FRMD4A: variants seen among roughly 807,000 people sequenced by gnomAD.
FRMD4A encodes FERM domain-containing protein 4A.
Under a neutral mutation model 129.1 loss-of-function variants are expected in FRMD4A, and 29 were observed. The ratio of observed to expected loss-of-function variants is 0.22; its 90% CI spans 0.17 to 0.31. The LOEUF (loss-of-function observed/expected upper bound fraction) is 0.31, where lower values mean the gene tolerates loss of function less well. Ranked by LOEUF, FRMD4A falls within the 10% of genes least tolerant of loss-of-function variation. FRMD4A has a pLI of 1.00. For synonymous variants in FRMD4A, 634 were observed against 571.6 expected (o/e 1.11, Z -1.56); for missense variants, 1,272 against 1,375.8 (o/e 0.92, Z 1.19).
chr10:13,877,215 T>C (rs2094497355), intron 2 of FRMD4A, among the ~76,000 whole-genome samples: 1 of 152,190 alleles, frequency 6.6e-6, no homozygotes, highest in African/African-American at 2.4e-5. Context: ...GCTCTTGACA[T>C]ACAGTAGGAA....
intron 14 of FRMD4A, among the ~76,000 whole-genome samples, chr10:13,697,625 C>T (rs923355684): frequency 7.9e-5 from 12 of 151,664 alleles, no homozygotes; most frequent in Admixed American, 5.2e-4. Context: ...GGCTGATACA[C>T]GTGACTCAGT....
intron 2 of FRMD4A, among the ~76,000 whole-genome samples, chr10:13,988,067 G>A (rs7917812): frequency 0.34 from 52,126 of 152,030 alleles, 9,639 homozygotes; most frequent in East Asian, 0.72. Context: ...CAGACAGTAG[G>A]CAAAAGCAGT....
At chr10:13,867,740 T>C (rs113503992) in intron 2 of FRMD4A, among the ~76,000 whole-genome samples, 4 of 122,776 alleles carry the variant, frequency 3.3e-5, no homozygotes, top group African/African-American at 9.9e-5. Context: ...ATAAATAACA[T>C]ATAATATAAT....
At chr10:14,045,716 ATAT>A (rs1349448525) in intron 2 of FRMD4A, among the ~76,000 whole-genome samples, 2 of 146,086 alleles carry the variant, frequency 1.4e-5, no homozygotes, top group Non-Finnish European at 3.0e-5. Flanking sequence ...AATATTTATC[ATAT>A]TATATTAGAT....
At chr10:14,109,597 G>A (rs1285963649) in intron 2 of FRMD4A, among the ~76,000 whole-genome samples, 1 of 152,182 alleles carries the variant, frequency 6.6e-6, no homozygotes, top group African/African-American at 2.4e-5. Context: ...TAAGCTGCCA[G>A]AAAAATTGGA....
chr10:13,807,102 T>C (rs57031775), intron 4 of FRMD4A, among the ~76,000 whole-genome samples: 2,773 of 152,258 alleles, frequency 0.018, 61 homozygotes, highest in African/African-American at 0.061. Flanking sequence ...CCACCGCGCC[T>C]GGCCAATAAT....
At chr10:14,315,559 G>GCAAA (rs1846707779) in intron 2 of FRMD4A, among the ~76,000 whole-genome samples, 1 of 152,166 alleles carries the variant, frequency 6.6e-6, no homozygotes, top group Non-Finnish European at 1.5e-5. Flanking sequence ...CAGTCAAAAT[G>GCAAA]CAAATCTGAT....
intron 14 of FRMD4A, among the ~76,000 whole-genome samples, chr10:13,696,257 T>G (rs1470221359): frequency 6.6e-6 from 1 of 152,250 alleles, no homozygotes; most frequent in Non-Finnish European, 1.5e-5. Context: ...TGCGCCCATC[T>G]GGTTGAGTTT....
At chr10:13,725,200 G>A (rs902601664) in intron 12 of FRMD4A, among the ~76,000 whole-genome samples, 2 of 152,206 alleles carry the variant, frequency 1.3e-5, no homozygotes, top group Non-Finnish European at 2.9e-5. Context: ...TAAGAAAACT[G>A]AGGCCCAGGG....
intron 2 of FRMD4A, among the ~76,000 whole-genome samples, chr10:14,203,351 C>G (rs1405999883): frequency 6.6e-6 from 1 of 152,082 alleles, no homozygotes; most frequent in Non-Finnish European, 1.5e-5. Flanking sequence ...TAGAGTGAGC[C>G]AAATTTACAT....
intron 2 of FRMD4A, among the ~76,000 whole-genome samples, chr10:14,138,759 A>AAAAAAAAG (rs535039749): frequency 6.9e-6 from 1 of 144,624 alleles, no homozygotes; most frequent in Admixed American, 6.8e-5. Flanking sequence ...CTCCATCTAA[A>AAAAAAAAG]AAAAAAAGAA....
intron 2 of FRMD4A, among the ~76,000 whole-genome samples, chr10:13,980,111 A>G (rs2095555506): frequency 6.6e-6 from 1 of 152,168 alleles, no homozygotes; most frequent in Admixed American, 6.5e-5. Flanking sequence ...TTGGCAAACT[A>G]ATGACTTTTG....
intron 15 of FRMD4A, among the ~76,000 whole-genome samples, chr10:13,687,564 C>CT (rs1305484209): frequency 2.0e-5 from 3 of 152,216 alleles, no homozygotes; most frequent in African/African-American, 4.8e-5. Context: ...ATTTTGGATT[C>CT]TTTTTTTAAA....
chr10:13,741,131 T>G (rs1370206696), intron 9 of FRMD4A, among the ~76,000 whole-genome samples: 1 of 152,126 alleles, frequency 6.6e-6, no homozygotes, highest in African/African-American at 2.4e-5. Context: ...CTGGCTTATC[T>G]TGGATTTCTA....
At chr10:14,185,644 C>A (rs972818790) in intron 2 of FRMD4A, among the ~76,000 whole-genome samples, 10 of 152,146 alleles carry the variant, frequency 6.6e-5, no homozygotes, top group Non-Finnish European at 1.5e-4. Context: ...CAGAGAGCTG[C>A]AGGGGCGGTT....
chr10:13,670,313 T>G (rs562951828), intron 17 of FRMD4A, 93 bp downstream of exon 17: 7 of 1,332,240 alleles, frequency 5.3e-6, no homozygotes, highest in Admixed American at 1.8e-5. Flanking sequence ...TAGGCAGAAA[T>G]GAAGAAATTG....
chr10:14,100,349 A>C (rs76195247), intron 2 of FRMD4A, among the ~76,000 whole-genome samples: 5,349 of 152,250 alleles, frequency 0.035, 141 homozygotes, highest in Non-Finnish European at 0.052. Flanking sequence ...TTGGAAAAAA[A>C]CACCTAGAAA....
chr10:14,285,559 C>G (rs989236185), intron 2 of FRMD4A, among the ~76,000 whole-genome samples: 1 of 152,228 alleles, frequency 6.6e-6, no homozygotes, highest in African/African-American at 2.4e-5. Flanking sequence ...CAGAGTGACA[C>G]TGGTCTGTTC....
At chr10:13,999,965 G>T (rs902685767) in intron 2 of FRMD4A, among the ~76,000 whole-genome samples, 1 of 152,222 alleles carries the variant, frequency 6.6e-6, no homozygotes, top group South Asian at 2.1e-4. Context: ...CAGGTAGTCA[G>T]CATTCACTCA....
Sources: allele counts gnomAD v4.1 joint callset (sites outside exome capture counted in the v4.1 genomes callset), GRCh38; gene constraint gnomAD v4.1.1; transcripts MANE v1.5; gene names NCBI Gene and HGNC (gene_info 2026-07-23, HGNC 2026-07-21).